The following MAP3K13 variants were observed in gnomAD, a reference collection of about 807,000 sequenced individuals.
MAP3K13 encodes mitogen-activated protein kinase kinase kinase 13, also known as leucine zipper-bearing kinase.
In MAP3K13, 52 loss-of-function variants were observed where a neutral mutation model predicts 104.0. That is an observed-to-expected ratio of 0.50 (90% CI 0.40 to 0.63). The LOEUF is 0.63. Among genes scored for constraint, MAP3K13 ranks in the 20% least tolerant of loss-of-function variants. The pLI is 0.00. For missense variants in MAP3K13, 914 were observed against 1,218.5 expected (o/e 0.75, Z 3.72); for synonymous variants, 394 against 442.2 (o/e 0.89, Z 1.37).
At chr3:185,379,129 T>C (rs13091471) in intron 1 of MAP3K13, among the ~76,000 whole-genome samples, 52,180 of 151,982 alleles carry the variant, frequency 0.34, 9,140 homozygotes, top group East Asian at 0.41. Context: ...CAGGTGTCCC[T>C]GCAATTGACT....
rs1176316045 is a variant in MAP3K13 at position 185,292,926 on chromosome 3, C to G, written c.-86+7283C>G. 3.0e-6 allele frequency: 3 copies of G among 983,916 alleles called. No homozygotes were observed. In the African/African-American group the frequency reaches 5.2e-5, roughly 17 times the overall value. The allele number at this position is 983,916 out of a possible 1,614,324, so 60.9% of individuals were successfully genotyped here. ...GAAACTTTTTTACTAAAATGTGACC[C>G]TCATTTTTCTTTACATGAAAGAACA... On this transcript the variant is annotated intron_variant, in intron 2 of 14. Transcript: ENST00000424227.
chr3:185,372,307 T>G (rs1724201354), intron 1 of MAP3K13, among the ~76,000 whole-genome samples: 1 of 152,202 alleles, frequency 6.6e-6, no homozygotes, highest in Non-Finnish European at 1.5e-5. Flanking sequence ...AGGTTCTCCC[T>G]TCCCCTTCCT....
In MAP3K13 at chr3:185,473,639, G is replaced by T. The variant is rs183571847; in HGVS notation, c.2308G>T (p.Ala770Ser). The T allele has an allele frequency of 6.2e-7, 1 of 1,614,156 alleles. No individual in the cohort carries two copies. The highest frequency in any genetic ancestry group is 1.1e-5 in the South Asian group (1 of 91,088). Residue 770 changes from alanine to serine, a missense_variant, in exon 11 of 14, where the codon GCC becomes TCC. This residue lies in a region of MAP3K13 where 583 missense variants were observed against 737.4 expected (regional missense o/e 0.79). Transcript: ENST00000265026. The surrounding 1 kb of genome is among the most constrained non-coding windows in gnomAD (Gnocchi z 4.9). ...SPAHNPLLEN[A>S]QSSEKTEENE... Reference sequence around the variant, plus strand: ...AGCACATAATCCTCTCTTGGAAAACGCCCAGAGTTCTGAGAAAACGGAAGA... The same window carrying T: ...AGCACATAATCCTCTCTTGGAAAACTCCCAGAGTTCTGAGAAAACGGAAGA...
intron 2 of MAP3K13, among the ~76,000 whole-genome samples, chr3:185,298,679 G>A (rs946482653): frequency 6.5e-4 from 99 of 152,180 alleles, no homozygotes; most frequent in Non-Finnish European, 1.6e-4. Flanking sequence ...AAAGGTCACC[G>A]TATCTTCCAG....
Sources: allele counts gnomAD v4.1 joint callset (sites outside exome capture counted in the v4.1 genomes callset), GRCh38; gene constraint gnomAD v4.1.1; regional missense constraint gnomAD v4.1.1; non-coding constraint Gnocchi (gnomAD v3.1); transcripts MANE v1.5; gene names NCBI Gene and HGNC (gene_info 2026-07-23, HGNC 2026-07-21).